MECOM: variants seen among roughly 807,000 people sequenced by gnomAD.
MECOM encodes the protein MDS1 and EVI1 complex locus, also known as histone-lysine N-methyltransferase MECOM.
A neutral mutation model predicts 116.3 loss-of-function variants in MECOM; 13 were observed. The observed-to-expected ratio is 0.11, with a 90% CI of 0.07 to 0.18. MECOM has a LOEUF of 0.18. MECOM is among the 10% of genes least tolerant of loss of function. The probability of loss-of-function intolerance (pLI) is 1.00; values close to 1 mark genes in which losing one functional copy is unlikely to be tolerated. For missense variants in MECOM, 1,299 were observed against 1,509.0 expected (o/e 0.86, Z 2.31); for synonymous variants, 528 against 535.2 (o/e 0.99, Z 0.19).
intron 1 of MECOM, among the ~76,000 whole-genome samples, chr3:169,554,809 G>A (rs1021040748): frequency 2.0e-5 from 3 of 152,150 alleles, no homozygotes; most frequent in African/African-American, 7.2e-5. Flanking sequence ...GTCCTCCCTG[G>A]ACCAGGAACA....
chr3:169,325,934 C>T (rs1331581554), intron 2 of MECOM, among the ~76,000 whole-genome samples: 2 of 152,284 alleles, frequency 1.3e-5, no homozygotes, highest in South Asian at 2.1e-4. Context: ...TTCAACAACC[C>T]TGTGTGCCTG....
chr3:169,482,485 CCACCACGCCCGGCTAATTTTTTG>C, intron 1 of MECOM, among the ~76,000 whole-genome samples: 1 of 152,242 alleles, frequency 6.6e-6, no homozygotes, highest in South Asian at 2.1e-4. Context: ...CAGGCGCCCG[CCACCACGCCCGGCTAATTTTTTG>C]TATATTTAGT....
chr3:169,600,254 G>A (rs1767681629), intron 1 of MECOM, among the ~76,000 whole-genome samples: 1 of 152,120 alleles, frequency 6.6e-6, no homozygotes, highest in African/African-American at 2.4e-5. Flanking sequence ...TTACAGGCAT[G>A]AGCCACCGTG....
chr3:169,640,140 T>C (rs1773281592), intron 1 of MECOM, among the ~76,000 whole-genome samples: 1 of 151,550 alleles, frequency 6.6e-6, no homozygotes, highest in African/African-American at 2.4e-5. Context: ...ATTTGAGCAA[T>C]ATTAAGATAT....
intron 2 of MECOM, among the ~76,000 whole-genome samples, chr3:169,378,764 A>G (rs1418131959): frequency 6.6e-6 from 1 of 152,012 alleles, no homozygotes; most frequent in Non-Finnish European, 1.5e-5. Context: ...GGAAGAAAAG[A>G]GCAAGGGCCC....
At chr3:169,490,838 T>C (rs1300629943) in intron 1 of MECOM, among the ~76,000 whole-genome samples, 1 of 152,196 alleles carries the variant, frequency 6.6e-6, no homozygotes, top group Non-Finnish European at 1.5e-5. Context: ...TATTTGAGTA[T>C]ATAGGTATTT....
At chr3:169,186,287 G>T (rs1746698655) in intron 2 of MECOM, among the ~76,000 whole-genome samples, 2 of 150,270 alleles carry the variant, frequency 1.3e-5, no homozygotes, top group African/African-American at 4.9e-5. Context: ...AGCTGGTCAT[G>T]AGTAAAGGTA....
chr3:169,391,160 C>A (rs866165480), intron 1 of MECOM, among the ~76,000 whole-genome samples: 2 of 152,184 alleles, frequency 1.3e-5, no homozygotes, highest in Non-Finnish European at 2.9e-5. Context: ...TATGAGCGAG[C>A]AATAGAACAC....
intron 1 of MECOM, among the ~76,000 whole-genome samples, chr3:169,507,955 C>A (rs1009261107): frequency 5.3e-5 from 8 of 152,074 alleles, no homozygotes; most frequent in African/African-American, 1.9e-4. Flanking sequence ...CCACCGCGCC[C>A]GGCCCCAACT....
In MECOM at chr3:169,548,581, C is replaced by T. The variant is rs148953786; in HGVS notation, c.37+114755G>A. Among the ~76,000 whole-genome samples the T allele has an allele frequency of 7.3e-3, 1,112 of 152,280 alleles. 14 individuals are homozygous for T. Among genetic ancestry groups the T allele is most frequent in the African/African-American group, 0.026 (1,065 of 41,568 alleles). ...TCCTGCAACATCTTCCTTGTTTTTT[C>T]CTTTATTCAGGCCGATAGTTTGATG... On this transcript the variant is annotated intron_variant, in intron 1 of 16. Coordinates refer to ENST00000651503, the MANE Select transcript of MECOM (RefSeq NM_004991.4).
chr3:169,387,700 A>G (rs1225377534), intron 1 of MECOM, among the ~76,000 whole-genome samples: 1 of 152,168 alleles, frequency 6.6e-6, no homozygotes, highest in Non-Finnish European at 1.5e-5. Flanking sequence ...ACATATATGC[A>G]TATAATACAC....
chr3:169,414,103 C>T (rs1005263160), intron 1 of MECOM, among the ~76,000 whole-genome samples: 1 of 152,168 alleles, frequency 6.6e-6, no homozygotes, highest in Non-Finnish European at 1.5e-5. Flanking sequence ...GAGATATCTC[C>T]CATCAGGGGT....
At chr3:169,431,363 G>A (rs1741594157) in intron 1 of MECOM, among the ~76,000 whole-genome samples, 1 of 152,188 alleles carries the variant, frequency 6.6e-6, no homozygotes, top group Non-Finnish European at 1.5e-5. Flanking sequence ...GCGATACCTT[G>A]CATAGATGTC....
At chr3:169,578,969 G>A (rs1044723036) in intron 1 of MECOM, among the ~76,000 whole-genome samples, 4 of 152,152 alleles carry the variant, frequency 2.6e-5, no homozygotes, top group Admixed American at 2.6e-4. Flanking sequence ...GAAAGCTAGG[G>A]CAATATTTTT....
chr3:169,111,369 G>A (rs1380215735), intron 9 of MECOM, among the ~76,000 whole-genome samples: 1 of 151,988 alleles, frequency 6.6e-6, no homozygotes, highest in Non-Finnish European at 1.5e-5. Flanking sequence ...ATGTATACAT[G>A]AATATTATAT....
intron 1 of MECOM, among the ~76,000 whole-genome samples, chr3:169,403,015 G>C (rs1394097041): frequency 6.6e-6 from 1 of 152,116 alleles, no homozygotes; most frequent in Non-Finnish European, 1.5e-5. Context: ...AGAACTTTGA[G>C]AGAAAAAAAG....
At chr3:169,600,721 G>A (rs575303852) in intron 1 of MECOM, among the ~76,000 whole-genome samples, 127 of 152,294 alleles carry the variant, frequency 8.3e-4, no homozygotes, top group African/African-American at 2.8e-3. Context: ...TTCTTAAAAT[G>A]TTCTCTTTTT....
chr3:169,439,692 G>T (rs1743284514), intron 1 of MECOM, among the ~76,000 whole-genome samples: 1 of 152,150 alleles, frequency 6.6e-6, no homozygotes, highest in South Asian at 2.1e-4. Flanking sequence ...ACTATCTTGT[G>T]CTATATCCCT....
In MECOM at chr3:169,121,083, T is replaced by C; in HGVS notation, c.1105A>G (p.Ile369Val). Residue 369 changes from isoleucine (I) to valine (V), a missense_variant, in exon 7 of 17, where the codon ATC (isoleucine) becomes GTC (valine). Physicochemically the swap from Ile to Val is conservative, Grantham distance 29 (BLOSUM62 3). Transcript: ENST00000651503. ...TSSGLKQHKH[I>V]HSSVKPFICE... The stretch of plus-strand genomic sequence containing the variant: ...ATAAAGGGCTTCACACTGCTGTGGA[T>C]GTGCTTGTGTTGTTTGAGGCCCGAC... 1 of 1,613,102 alleles carries C rather than the reference T, an allele frequency of 6.2e-7. No homozygotes were observed. Among genetic ancestry groups the C allele is most frequent in the Non-Finnish European group, 8.5e-7 (1 of 1,179,440 alleles).
Sources: allele counts gnomAD v4.1 joint callset (sites outside exome capture counted in the v4.1 genomes callset), GRCh38; gene constraint gnomAD v4.1.1; transcripts MANE v1.5; gene names NCBI Gene and HGNC (gene_info 2026-07-23, HGNC 2026-07-21).